The following SPTBN1 variants were observed in gnomAD, a reference collection of about 807,000 sequenced individuals.
SPTBN1 encodes spectrin beta chain, non-erythrocytic 1.
In SPTBN1, 32 loss-of-function variants were observed where a neutral mutation model predicts 266.4. The ratio of observed to expected loss-of-function variants is 0.12; its 90% CI spans 0.09 to 0.16. The LOEUF is 0.16. Among genes scored for constraint, SPTBN1 ranks in the 10% least tolerant of loss-of-function variants. The probability of loss-of-function intolerance (pLI) is 1.00; values close to 1 mark genes in which losing one functional copy is unlikely to be tolerated. For synonymous variants in SPTBN1, 1,336 were observed against 1,162.2 expected, an observed-to-expected ratio of 1.15 and a Z score of -3.04; for missense variants, 2,296 against 3,067.1, an observed-to-expected ratio of 0.75 and a Z score of 5.94.
chr2:54,571,222 C>T (rs1674042464), intron 2 of SPTBN1, among the ~76,000 whole-genome samples: 1 of 151,992 alleles, frequency 6.6e-6, no homozygotes, highest in Admixed American at 6.6e-5. Context: ...TTTTCTCTCT[C>T]ATTTCAGAAA....
In SPTBN1 at chr2:54,631,104, G is replaced by T; in HGVS notation, c.3057G>T (p.Ala1019=). 6.2e-7 allele frequency: 1 copy of T among 1,614,184 alleles called. No homozygotes were observed. The highest frequency in any genetic ancestry group is 8.5e-7 in the Non-Finnish European group (1 of 1,180,034). Reference sequence around the variant, plus strand: ...AGCTGAGTGACCTGCAGAAGGAGGCGGAGAAGCTGGAGTCCGAGCACCCCG... The same window carrying T: ...AGCTGAGTGACCTGCAGAAGGAGGCTGAGAAGCTGGAGTCCGAGCACCCCG... The part of the protein sequence containing the change: ...EAKLSDLQKE[A]EKLESEHPDQ... The change falls in exon 16 of 36, where the codon GCG becomes GCT. Residue 1019 remains alanine, a synonymous_variant. Coordinates refer to ENST00000356805, the MANE Select transcript of SPTBN1 (RefSeq NM_003128.3).
chr2:54,487,678 T>A (rs1668471069), intron 1 of SPTBN1, among the ~76,000 whole-genome samples: 1 of 150,654 alleles, frequency 6.6e-6, no homozygotes, highest in South Asian at 2.1e-4. Context: ...AGTGTTACAA[T>A]AAATGAATAA....
Position 54,517,217 on chromosome 2 carries a change from G to T in SPTBN1, c.-47-9155G>T, listed in dbSNP as rs376943819. Among the ~76,000 whole-genome samples the T allele has an allele frequency of 7.6e-4, 116 of 152,130 alleles. 3 individuals carry two copies. In the East Asian group the frequency reaches 0.012, roughly 15 times the overall value. ...GCAACTCCGGGATGCCCTTGGCCAA[G>T]AGGGCCCATTCAGATGGTTGGGGGC... On this transcript the variant is annotated intron_variant, in intron 1 of 35. Transcript: ENST00000356805.
At chr2:54,511,918 C>A (rs1281135335) in intron 1 of SPTBN1, among the ~76,000 whole-genome samples, 1 of 152,150 alleles carries the variant, frequency 6.6e-6, no homozygotes, top group Non-Finnish European at 1.5e-5. Context: ...GATATAGAAT[C>A]AGTGGGAGCC....
At chr2:54,572,036 C>T (rs1674119139) in intron 2 of SPTBN1, among the ~76,000 whole-genome samples, 1 of 151,920 alleles carries the variant, frequency 6.6e-6, no homozygotes, top group South Asian at 2.1e-4. Context: ...CCTTAAAGCT[C>T]AAATTTAGGG....
chr2:54,552,263 G>C (rs1039499373), intron 2 of SPTBN1, among the ~76,000 whole-genome samples: 2 of 152,118 alleles, frequency 1.3e-5, no homozygotes, highest in African/African-American at 4.8e-5. Flanking sequence ...ATAAAGCCTA[G>C]CAATTATAGC....
intron 1 of SPTBN1, among the ~76,000 whole-genome samples, chr2:54,477,045 C>G (rs1451604535): frequency 6.6e-6 from 1 of 151,048 alleles, no homozygotes; most frequent in Non-Finnish European, 1.5e-5. Context: ...CAGTGTTTTT[C>G]TTGGTTCTCT....
Position 54,628,469 on chromosome 2 carries a change from T to A in SPTBN1, c.1798+219T>A, listed in dbSNP as rs1232275012. Among the ~76,000 whole-genome samples, 1 of 152,212 alleles carries A rather than the reference T, an allele frequency of 6.6e-6. No individual in the cohort carries two copies. Among genetic ancestry groups the A allele is most frequent in the Non-Finnish European group, 1.5e-5 (1 of 68,038 alleles). On this transcript the variant is annotated intron_variant, in intron 13 of 35. Coordinates refer to ENST00000356805, the MANE Select transcript of SPTBN1 (RefSeq NM_003128.3). This position sits in a 1 kb window ranked among gnomAD's most constrained non-coding sequence, Gnocchi z 4.3. ...TTAAATACGCAAATGCTGCCTTTGC[T>A]TTGAGTGGCTTGGTGTTTGGCAGTG...
At chr2:54,590,565 A>G (rs1675608155) in intron 2 of SPTBN1, among the ~76,000 whole-genome samples, 1 of 152,260 alleles carries the variant, frequency 6.6e-6, no homozygotes, top group Non-Finnish European at 1.5e-5. Context: ...ACCACATCCC[A>G]TCAAATGATG....
chr2:54,492,940 T>C (rs1668768635), intron 1 of SPTBN1, among the ~76,000 whole-genome samples: 1 of 151,926 alleles, frequency 6.6e-6, no homozygotes, highest in Non-Finnish European at 1.5e-5. Context: ...GAATATTGAA[T>C]ACAGTGTCCA....
intron 2 of SPTBN1, among the ~76,000 whole-genome samples, chr2:54,596,286 C>G (rs555675523): frequency 6.6e-6 from 1 of 152,310 alleles, no homozygotes; most frequent in Admixed American, 6.5e-5. Flanking sequence ...ATAGGTGGAA[C>G]AAAGGAGGGA....
At chr2:54,634,441 G>A (rs921092569) in intron 17 of SPTBN1, among the ~76,000 whole-genome samples, 5 of 152,190 alleles carry the variant, frequency 3.3e-5, no homozygotes, top group Non-Finnish European at 7.4e-5. Flanking sequence ...AGATAACCCT[G>A]TACTATCAAT....
chr2:54,489,350 C>G (rs1668570326), intron 1 of SPTBN1, among the ~76,000 whole-genome samples: 2 of 151,282 alleles, frequency 1.3e-5, no homozygotes, highest in South Asian at 4.2e-4. Context: ...AATGGTATAA[C>G]TGAAAGTACC....
intron 18 of SPTBN1, among the ~76,000 whole-genome samples, chr2:54,642,253 C>G (rs1265025271): frequency 6.6e-6 from 1 of 152,228 alleles, no homozygotes; most frequent in African/African-American, 2.4e-5. Flanking sequence ...TTTCTCAGGT[C>G]TGTCAGCGGC....
At position 54,458,306 on chromosome 2, in the gene SPTBN1, T is replaced by G. The variant is rs938903954; in HGVS notation, c.-48+1788T>G. ...TGTTTTAAAAGGAATTTATATGTTTTTTAATGGATAGTAAATGATTCCTTT... is the reference window on the plus strand; with the variant it reads ...TGTTTTAAAAGGAATTTATATGTTTGTTAATGGATAGTAAATGATTCCTTT... On this transcript the variant is annotated intron_variant, in intron 1 of 35. Coordinates refer to ENST00000356805, the MANE Select transcript of SPTBN1 (RefSeq NM_003128.3). 5.3e-5 allele frequency among the ~76,000 whole-genome samples: 8 copies of G among 152,236 alleles called. No individual in the cohort carries two copies. The East Asian group carries it at 1.5e-3, about 29-fold the overall frequency.
chr2:54,581,577 CTTT>C lies in SPTBN1; in HGVS notation c.149-17494_149-17492del, dbSNP rs70944181. Among the ~76,000 whole-genome samples the C allele has an allele frequency of 2.1e-3, 218 of 102,668 alleles. 2 individuals are homozygous for C. The South Asian group carries it at 0.044, about 21-fold the overall frequency. 67.4% of individuals were successfully genotyped at this position (102,668 alleles called of 152,430 possible). ...GCCTTCATGCTTTGGTTTCTTTGCC[CTTT>C]TTTTTTTTTTTTTTTTTTTTGAAAC... On this transcript the variant is annotated intron_variant, in intron 2 of 35. Coordinates refer to ENST00000356805, the MANE Select transcript of SPTBN1 (RefSeq NM_003128.3).
chr2:54,478,895 T>G (rs576182527), intron 1 of SPTBN1, among the ~76,000 whole-genome samples: 9 of 146,862 alleles, frequency 6.1e-5, no homozygotes, highest in African/African-American at 2.2e-4. Flanking sequence ...TATATGTGAG[T>G]GTGTGTGTAT....
chr2:54,668,803 A>T lies in SPTBN1; in HGVS notation c.*234A>T. 2.0e-6 allele frequency: 1 copy of T among 502,716 alleles called. No individual in the cohort carries two copies. The highest frequency in any genetic ancestry group is 2.2e-5 in the South Asian group (1 of 45,378). 31.1% of individuals were successfully genotyped at this position (502,716 alleles called of 1,614,324 possible). On this transcript the variant is annotated 3_prime_UTR_variant, in exon 36 of 36. Transcript: ENST00000356805. ...GGAAGGCCAGATTTTTTTTTTAATG[A>T]AATTATATAGATTAGATCTCAGTAT... is the stretch of plus-strand genomic sequence containing the variant.
rs749127274 is a variant in SPTBN1 at position 54,624,933 on chromosome 2, C to T, written c.1312C>T (p.Leu438=). ...DRKAAMRETW[L]SENQRLVSQD... ...CAAGGCAGCTATGAGGGAGACTTGG[C>T]TGAGCGAAAACCAGCGTCTGGTGTC... The change falls in exon 11 of 36, where the codon CTG becomes TTG. Residue 438 remains leucine, a synonymous_variant. Transcript: ENST00000356805. 1 of 1,608,640 alleles carries T rather than the reference C, an allele frequency of 6.2e-7. No homozygotes were observed. The highest frequency in any genetic ancestry group is 8.5e-7 in the Non-Finnish European group (1 of 1,177,496).
Sources: allele counts gnomAD v4.1 joint callset (sites outside exome capture counted in the v4.1 genomes callset), GRCh38; gene constraint gnomAD v4.1.1; non-coding constraint Gnocchi (gnomAD v3.1); transcripts MANE v1.5; gene names NCBI Gene and HGNC (gene_info 2026-07-23, HGNC 2026-07-21).